The following SEMA5A variants were observed in gnomAD, a reference collection of about 807,000 sequenced individuals.
SEMA5A encodes semaphorin-5A.
A neutral mutation model predicts 135.5 loss-of-function variants in SEMA5A; 55 were observed. The ratio of observed to expected loss-of-function variants is 0.41; its 90% confidence interval spans 0.33 to 0.51. SEMA5A has a LOEUF of 0.51. SEMA5A is among the 20% of genes least tolerant of loss of function. SEMA5A has a pLI of 0.37. For missense variants in SEMA5A, 1,290 were observed against 1,419.9 expected, an observed-to-expected ratio of 0.91 and a Z score of 1.47; for synonymous variants, 580 against 546.5, an observed-to-expected ratio of 1.06 and a Z score of -0.85.
At chr5:9,455,815 T>C (rs767333840) in intron 1 of SEMA5A, among the ~76,000 whole-genome samples, 12 of 152,208 alleles carry the variant, frequency 7.9e-5, no homozygotes, top group Non-Finnish European at 1.2e-4. Context: ...TAAAAAGATC[T>C]GGTGACAACA....
Position 9,040,286 on chromosome 5 carries a change from T to C in SEMA5A, c.*2611A>G, listed in dbSNP as rs914632319. On this transcript the variant is annotated 3_prime_UTR_variant, in exon 23 of 23. Coordinates refer to ENST00000382496, the MANE Select transcript of SEMA5A (RefSeq NM_003966.3). ...GAAAAGGTCATTCAGGAATTTAAAA[T>C]GTGAACCGCAAAGTTTCACCAGGAC... 5 of 152,252 alleles carry C rather than the reference T, an allele frequency of 3.3e-5. No individual in the cohort carries two copies. Among genetic ancestry groups the C allele is most frequent in the Admixed American group, 6.5e-5 (1 of 15,284 alleles). The allele number at this position is 152,252 out of a possible 1,614,324, so 9.4% of individuals were successfully genotyped here.
At chr5:9,477,034 T>A (rs1280158987) in intron 1 of SEMA5A, among the ~76,000 whole-genome samples, 1 of 152,116 alleles carries the variant, frequency 6.6e-6, no homozygotes, top group African/African-American at 2.4e-5. Context: ...TGGTAGGAGA[T>A]GATTGGATCC....
At chr5:9,447,564 C>G (rs995883130) in intron 1 of SEMA5A, among the ~76,000 whole-genome samples, 3 of 152,180 alleles carry the variant, frequency 2.0e-5, no homozygotes, top group Admixed American at 2.0e-4. Context: ...GCAACTTGCT[C>G]AGGAATGTGA....
At chr5:9,365,299 A>C (rs1754867309) in intron 3 of SEMA5A, among the ~76,000 whole-genome samples, 1 of 152,166 alleles carries the variant, frequency 6.6e-6, no homozygotes, top group Non-Finnish European at 1.5e-5. Context: ...AAATTTCAGT[A>C]ATCAAGATAA....
chr5:9,352,225 T>C (rs970737230), intron 3 of SEMA5A, among the ~76,000 whole-genome samples: 3 of 152,128 alleles, frequency 2.0e-5, no homozygotes, highest in Admixed American at 1.3e-4. Flanking sequence ...CTACATGTCA[T>C]CTGTATTCTT....
chr5:9,171,147 T>C (rs560399119), intron 11 of SEMA5A, among the ~76,000 whole-genome samples: 1 of 152,312 alleles, frequency 6.6e-6, no homozygotes, highest in South Asian at 2.1e-4. Context: ...GGTCCTCCCA[T>C]AATCTATTCA....
At chr5:9,428,954 C>G (rs1400965162) in intron 2 of SEMA5A, among the ~76,000 whole-genome samples, 1 of 152,072 alleles carries the variant, frequency 6.6e-6, no homozygotes, top group Non-Finnish European at 1.5e-5. Context: ...AATAATCAAG[C>G]CAAGGACTTC....
At chr5:9,292,493 G>C (rs1751134301) in intron 5 of SEMA5A, among the ~76,000 whole-genome samples, 1 of 152,140 alleles carries the variant, frequency 6.6e-6, no homozygotes, top group South Asian at 2.1e-4. Flanking sequence ...CTTCATTACT[G>C]TCTTCAGTTA....
rs1742954526 is a variant in SEMA5A at position 9,156,349 on chromosome 5, C to A, written c.1274-1654G>T. On this transcript the variant is annotated intron_variant, in intron 11 of 22. Transcript: ENST00000382496. ...AATAAACTTACACAGCACCAAGGAA[C>A]TAACAGGGACAAGATGGGGGCTTCA... Among the ~76,000 whole-genome samples the A allele has an allele frequency of 2.6e-5, 4 of 152,194 alleles. No individual in the cohort carries two copies. The South Asian group carries it at 8.3e-4, about 32-fold the overall frequency.
At chr5:9,471,364 T>C (rs1759471352) in intron 1 of SEMA5A, among the ~76,000 whole-genome samples, 1 of 152,128 alleles carries the variant, frequency 6.6e-6, no homozygotes, top group Non-Finnish European at 1.5e-5. Context: ...TGCCCAGAGA[T>C]AGCCTAAAAT....
chr5:9,139,862 A>G (rs373982304), intron 12 of SEMA5A, among the ~76,000 whole-genome samples: 3 of 152,202 alleles, frequency 2.0e-5, no homozygotes, highest in African/African-American at 7.2e-5. Context: ...GATTATAGAA[A>G]CATCACTCCC....
At chr5:9,438,580 A>G (rs980289096) in intron 1 of SEMA5A, among the ~76,000 whole-genome samples, 1 of 152,210 alleles carries the variant, frequency 6.6e-6, no homozygotes, top group African/African-American at 2.4e-5. Context: ...TATGATCCAT[A>G]TGAGAAATGT....
At chr5:9,047,106 C>T (rs1040181714) in intron 21 of SEMA5A, among the ~76,000 whole-genome samples, 2 of 152,184 alleles carry the variant, frequency 1.3e-5, no homozygotes, top group African/African-American at 4.8e-5. Context: ...TGACGCTATA[C>T]TTAGATAAGC....
chr5:9,496,206 G>A lies in SEMA5A; in HGVS notation c.-175+49378C>T, dbSNP rs192564344. Reference sequence around the variant, plus strand: ...ATTACAAGCGTGTGCCACCGCACCCGGCTAACTTTTGTGTTTTTAGTAGAG... The same window carrying A: ...ATTACAAGCGTGTGCCACCGCACCCAGCTAACTTTTGTGTTTTTAGTAGAG... On this transcript the variant is annotated intron_variant, in intron 1 of 22. Transcript: ENST00000382496. Among the ~76,000 whole-genome samples the A allele has an allele frequency of 3.4e-4, 52 of 152,154 alleles. 1 individual carries two copies. The East Asian group carries it at 9.1e-3, about 27-fold the overall frequency.
At chr5:9,449,026 A>G (rs1345635757) in intron 1 of SEMA5A, among the ~76,000 whole-genome samples, 5 of 152,242 alleles carry the variant, frequency 3.3e-5, no homozygotes, top group Non-Finnish European at 7.3e-5. Flanking sequence ...TCAAAGACCT[A>G]GAGGCAGAAA....
chr5:9,498,206 C>T (rs147176133), intron 1 of SEMA5A, among the ~76,000 whole-genome samples: 3 of 152,304 alleles, frequency 2.0e-5, no homozygotes, highest in African/African-American at 7.2e-5. Flanking sequence ...GCCACACCTC[C>T]TCTGTTTGGG....
chr5:9,443,864 G>A (rs111612095), intron 1 of SEMA5A, among the ~76,000 whole-genome samples: 307 of 152,336 alleles, frequency 2.0e-3, no homozygotes, highest in African/African-American at 7.1e-3. Flanking sequence ...ATTTGAAAAG[G>A]AAAAGCAAAA....
chr5:9,293,242 A>T (rs1751175583), intron 5 of SEMA5A, among the ~76,000 whole-genome samples: 1 of 152,098 alleles, frequency 6.6e-6, no homozygotes, highest in Non-Finnish European at 1.5e-5. Flanking sequence ...GTGGCATCTG[A>T]TATCTTTTTG....
At chr5:9,407,996 T>TCATCACCATCACTAC (rs139916423) in intron 2 of SEMA5A, among the ~76,000 whole-genome samples, 53,355 of 146,322 alleles carry the variant, frequency 0.36, 9,662 homozygotes, top group African/African-American at 0.46. Context: ...ACTACTGCCA[T>TCATCACCATCACTAC]CATCACCATC....
Sources: allele counts gnomAD v4.1 joint callset (sites outside exome capture counted in the v4.1 genomes callset), GRCh38; gene constraint gnomAD v4.1.1; transcripts MANE v1.5; gene names NCBI Gene and HGNC (gene_info 2026-07-23, HGNC 2026-07-21).